The following CDK8 variants were observed in gnomAD, a reference collection of about 807,000 sequenced individuals.
CDK8 encodes cyclin-dependent kinase 8.
Under a neutral mutation model 71.5 loss-of-function variants are expected in CDK8, and 29 were observed. The observed-to-expected ratio is 0.41, with a 90% CI of 0.30 to 0.55. The LOEUF is 0.55. Among genes scored for constraint, CDK8 ranks in the 20% least tolerant of loss-of-function variants. The pLI is 0.37. For missense variants in CDK8, 288 were observed against 572.6 expected (o/e 0.50, Z 5.07); for synonymous variants, 161 against 192.1 (o/e 0.84, Z 1.34).
chr13:26,387,609 A>G (rs888345885), intron 6 of CDK8, among the ~76,000 whole-genome samples: 1 of 152,152 alleles, frequency 6.6e-6, no homozygotes, highest in African/African-American at 2.4e-5. Flanking sequence ...TCCTGTTCAA[A>G]TACAGACTTT....
At chr13:26,361,426 C>A (rs1337224933) in intron 4 of CDK8, among the ~76,000 whole-genome samples, 1 of 152,168 alleles carries the variant, frequency 6.6e-6, no homozygotes, top group Non-Finnish European at 1.5e-5. Flanking sequence ...TTTAATACAC[C>A]TAAACTACCA....
In CDK8 at chr13:26,310,976, C is replaced by T. The variant is rs577036624; in HGVS notation, c.129-26591C>T. On this transcript the variant is annotated intron_variant, in intron 1 of 12. Transcript: ENST00000381527. ...CCTACCCACCCACAACATCACTTCT[C>T]ATCATTTTTTCCTGTTCGCTATGCT... Among the ~76,000 whole-genome samples the T allele has an allele frequency of 1.1e-4, 16 of 151,762 alleles. 1 individual carries two copies. The South Asian group carries it at 3.1e-3, about 30-fold the overall frequency.
intron 5 of CDK8, among the ~76,000 whole-genome samples, chr13:26,384,238 A>T (rs1418858380): frequency 2.1e-5 from 3 of 141,564 alleles, no homozygotes; most frequent in Non-Finnish European, 4.8e-5. Context: ...TTATTTGCCA[A>T]CTTTTGGGTT....
intron 1 of CDK8, among the ~76,000 whole-genome samples, chr13:26,323,590 T>G (rs372693054): frequency 5.3e-5 from 8 of 152,276 alleles, no homozygotes; most frequent in Non-Finnish European, 1.0e-4. Flanking sequence ...AGGCCCTCGT[T>G]CTCATTTGTT....
intron 4 of CDK8, among the ~76,000 whole-genome samples, chr13:26,374,043 A>AAAAAAAAAAAAAAAAAAAAAAAAAT (rs147290719): frequency 8.9e-6 from 1 of 111,858 alleles, no homozygotes; most frequent in Non-Finnish European, 1.8e-5. Flanking sequence ...AAAAACAAAA[A>AAAAAAAAAAAAAAAAAAAAAAAAAT]ACAAAAAATT....
At chr13:26,276,924 T>G (rs1032875646) in intron 1 of CDK8, among the ~76,000 whole-genome samples, 2 of 152,198 alleles carry the variant, frequency 1.3e-5, no homozygotes, top group Admixed American at 6.5e-5. Context: ...CACCCTTGAG[T>G]CCATCCACAT....
intron 1 of CDK8, among the ~76,000 whole-genome samples, chr13:26,283,142 A>G (rs1023117385): frequency 6.6e-6 from 1 of 152,264 alleles, no homozygotes; most frequent in African/African-American, 2.4e-5. Flanking sequence ...AGCACAGGTC[A>G]TCAAGACAGA....
At chr13:26,348,298 C>T (rs1481242810) in intron 2 of CDK8, among the ~76,000 whole-genome samples, 4 of 152,100 alleles carry the variant, frequency 2.6e-5, no homozygotes, top group African/African-American at 7.2e-5. Flanking sequence ...TATTGTGTAA[C>T]GCAGGGGTCC....
intron 1 of CDK8, among the ~76,000 whole-genome samples, chr13:26,271,876 A>C (rs965110886): frequency 8.1e-6 from 1 of 123,610 alleles, no homozygotes; most frequent in Non-Finnish European, 1.6e-5. Context: ...ATACCTGTGT[A>C]GGGTACTTAC....
intron 1 of CDK8, among the ~76,000 whole-genome samples, chr13:26,283,262 G>A (rs1872842102): frequency 6.6e-6 from 1 of 152,196 alleles, no homozygotes; most frequent in African/African-American, 2.4e-5. Flanking sequence ...GTCAGCACAT[G>A]GAACATTCTC....
At chr13:26,385,727 A>T (rs1482606096) in intron 6 of CDK8, among the ~76,000 whole-genome samples, 1 of 152,150 alleles carries the variant, frequency 6.6e-6, no homozygotes, top group Admixed American at 6.5e-5. Flanking sequence ...ACGGGGAGAC[A>T]CTGTCTCAAA....
chr13:26,264,867 G>A (rs2137859984), intron 1 of CDK8, among the ~76,000 whole-genome samples: 1 of 152,178 alleles, frequency 6.6e-6, no homozygotes, highest in South Asian at 2.1e-4. Context: ...CTTAACATAA[G>A]GATCTCAAGT....
chr13:26,281,517 GTCTACCC>G (rs1872743344), intron 1 of CDK8, among the ~76,000 whole-genome samples: 1 of 105,680 alleles, frequency 9.5e-6, no homozygotes, highest in Non-Finnish European at 1.7e-5. Context: ...CACTGAAATA[GTCTACCC>G]AAATGAGAAG....
intron 1 of CDK8, among the ~76,000 whole-genome samples, chr13:26,276,789 G>A (rs1172741756): frequency 6.6e-6 from 1 of 152,188 alleles, no homozygotes; most frequent in Non-Finnish European, 1.5e-5. Flanking sequence ...GAAAACAGAA[G>A]TTTCATTGGA....
chr13:26,401,591 C>G lies in CDK8; in HGVS notation c.1236C>G (p.Thr412=), dbSNP rs1471736573. The G allele has an allele frequency of 6.2e-7, 1 of 1,614,064 alleles. No homozygotes were observed. The highest frequency in any genetic ancestry group is 8.5e-7 in the Non-Finnish European group (1 of 1,180,018). The stretch of plus-strand genomic sequence containing the variant: ...TGAGAGTTGTTCCTCCTACCACTAC[C>G]TCAGGTGGACTTATCATGACCTCAG... ...KKVRVVPPTT[T]SGGLIMTSDY... Residue 412 remains threonine (T), a synonymous_variant, in exon 12 of 13, where the codon ACC becomes ACG. Coordinates refer to ENST00000381527, the MANE Select transcript of CDK8 (RefSeq NM_001260.3). This position sits in a 1 kb window ranked among gnomAD's most constrained non-coding sequence, Gnocchi z 4.5.
At chr13:26,318,901 A>T (rs1032647373) in intron 1 of CDK8, among the ~76,000 whole-genome samples, 2 of 152,238 alleles carry the variant, frequency 1.3e-5, no homozygotes, top group African/African-American at 4.8e-5. Flanking sequence ...AGTACCAGGA[A>T]CAAGGCAAGG....
At chr13:26,371,711 G>A (rs770607553) in intron 4 of CDK8, among the ~76,000 whole-genome samples, 6 of 152,106 alleles carry the variant, frequency 3.9e-5, no homozygotes, top group Non-Finnish European at 5.9e-5. Context: ...CGCCTCCCGG[G>A]TTCAAGTGAT....
chr13:26,400,556 T>C lies in CDK8; in HGVS notation c.1031+6T>C. The C allele has an allele frequency of 6.4e-7, 1 of 1,553,144 alleles. No individual in the cohort carries two copies. Among genetic ancestry groups the C allele is most frequent in the East Asian group, 2.2e-5 (1 of 44,482 alleles). On this transcript the variant is annotated splice_donor_region_variant and intron_variant, in intron 10 of 12. Transcript: ENST00000381527. ...GACCCACTTCCTACATCAGAGTAAG[T>C]GGCCTAGTTGGTTAACTCATCAGCA... is the stretch of plus-strand genomic sequence containing the variant.
chr13:26,398,360 A>G (rs1876090248), intron 9 of CDK8, among the ~76,000 whole-genome samples: 1 of 152,154 alleles, frequency 6.6e-6, no homozygotes, highest in Admixed American at 6.5e-5. Context: ...TAGGGGAATT[A>G]TTATTCTCCT....
Sources: gnomAD v4.1 joint callset for allele counts (sites outside exome capture counted in the v4.1 genomes callset) on GRCh38, gnomAD v4.1.1 for gene constraint, Gnocchi (gnomAD v3.1) non-coding constraint, MANE v1.5 for transcripts, NCBI Gene and HGNC (gene_info 2026-07-23, HGNC 2026-07-21) for gene names.